Variants in LRRC36 observed in about 807,000 individuals in gnomAD.
LRRC36 encodes the protein leucine rich repeat containing 36, also known as leucine-rich repeat-containing protein 36.
A neutral mutation model predicts 81.1 loss-of-function variants in LRRC36; 62 were observed. The observed-to-expected ratio is 0.76, with a 90% CI of 0.62 to 0.94. The LOEUF (loss-of-function observed/expected upper bound fraction) is 0.94. Among genes scored for constraint, LRRC36 ranks in the 40% least tolerant of loss-of-function variants. LRRC36 has a pLI of 0.00. For synonymous variants in LRRC36, 334 were observed against 348.6 expected (o/e 0.96, Z 0.47); for missense variants, 761 against 881.7 (o/e 0.86, Z 1.73).
chr16:67,337,263 G>A (rs184933787), intron 1 of LRRC36, among the ~76,000 whole-genome samples: 11 of 152,062 alleles, frequency 7.2e-5, no homozygotes, highest in Admixed American at 3.3e-4. Context: ...ACCCAGAAGT[G>A]GAGTTATTCT....
chr16:67,367,169 C>T lies in LRRC36; in HGVS notation c.907C>T (p.His303Tyr), dbSNP rs1344482200. 2.5e-6 allele frequency: 4 copies of T among 1,614,030 alleles called. No individual in the cohort carries two copies. The highest frequency in any genetic ancestry group is 3.3e-5 in the Admixed American group (2 of 60,004). ...IPKPDTFHLT[H>Y]DASLSKCLDV... ...AAAACCTGATACTTTTCATCTTACC[C>T]ATGATGCCTCATTGAGTAAATGCCT... The change falls in exon 8 of 14, where the codon CAT (histidine) becomes TAT (tyrosine). Residue 303 changes from histidine to tyrosine, a missense_variant. His to Tyr is a moderately conservative substitution (Grantham distance 83). This residue lies in a region of LRRC36 where 139 missense variants were observed against 214.0 expected (regional missense o/e 0.65). Transcript: ENST00000329956.
intron 5 of LRRC36, among the ~76,000 whole-genome samples, chr16:67,358,171 T>TTG (rs1253998466): frequency 1.3e-5 from 2 of 151,708 alleles, no homozygotes; most frequent in African/African-American, 4.9e-5. Context: ...CATCAGTTTT[T>TTG]TTTTTTTTTC....
At position 67,384,850 on chromosome 16, in the gene LRRC36, C is replaced by G. The variant is rs1567508533; in HGVS notation, c.2046-20C>G. 2 of 1,601,862 alleles carry G rather than the reference C, an allele frequency of 1.2e-6. No individual in the cohort carries two copies. The highest frequency in any genetic ancestry group is 1.7e-6 in the Non-Finnish European group (2 of 1,169,400). On this transcript the variant is annotated intron_variant, in intron 13 of 13. Coordinates refer to ENST00000329956, the MANE Select transcript of LRRC36 (RefSeq NM_018296.6). Reference sequence around the variant, plus strand: ...CTTGCTTTTATGATTTCATGACTGCCTTTTTCCCTTGGGCCTCAGATCCCT... The same window carrying G: ...CTTGCTTTTATGATTTCATGACTGCGTTTTTCCCTTGGGCCTCAGATCCCT...
At chr16:67,364,389 A>G (rs890083761) in intron 6 of LRRC36, among the ~76,000 whole-genome samples, 2 of 152,234 alleles carry the variant, frequency 1.3e-5, no homozygotes, top group East Asian at 1.9e-4. Flanking sequence ...TGATACATTT[A>G]TGAGCAATAA....
chr16:67,353,056 C>T (rs2038731031), intron 5 of LRRC36, among the ~76,000 whole-genome samples: 1 of 152,076 alleles, frequency 6.6e-6, no homozygotes, highest in Admixed American at 6.6e-5. Flanking sequence ...GCTTTGACAA[C>T]CTGCACTGGT....
intron 1 of LRRC36, among the ~76,000 whole-genome samples, chr16:67,335,617 T>G (rs1402430038): frequency 6.6e-6 from 1 of 152,226 alleles, no homozygotes; most frequent in Non-Finnish European, 1.5e-5. Context: ...CACAAGAGTA[T>G]TGATTGGGGA....
At position 67,341,053 on chromosome 16, in the gene LRRC36, C is replaced by G. The variant is rs1439184425; in HGVS notation, c.71-904C>G. Among the ~76,000 whole-genome samples the G allele has an allele frequency of 5.7e-4, 65 of 114,212 alleles. 13 individuals are homozygous for G. The highest frequency in any genetic ancestry group is 2.1e-3 in the African/African-American group (57 of 26,556). The allele number at this position is 114,212 out of a possible 152,430, so 74.9% of individuals were successfully genotyped here. A position where few individuals can be genotyped will look rare whatever the true frequency, so the allele number is the denominator to read the frequency against. ...CTACATATTCTATAGAATATGTACT[C>G]TACATATTCTATAGAATATGTACTC... is the stretch of plus-strand genomic sequence containing the variant. On this transcript the variant is annotated intron_variant, in intron 1 of 13. Coordinates refer to ENST00000329956, the MANE Select transcript of LRRC36 (RefSeq NM_018296.6).
At chr16:67,383,952 GAGTT>G (rs2142196736) in intron 13 of LRRC36, among the ~76,000 whole-genome samples, 1 of 152,352 alleles carries the variant, frequency 6.6e-6, no homozygotes, top group Admixed American at 6.5e-5. Flanking sequence ...GTGGTGTATA[GAGTT>G]AGTTCTCATT....
intron 1 of LRRC36, among the ~76,000 whole-genome samples, chr16:67,333,804 A>G (rs763318875): frequency 2.6e-5 from 4 of 152,160 alleles, no homozygotes; most frequent in African/African-American, 9.7e-5. Flanking sequence ...TTGGGCATAA[A>G]GTACAGAGAG....
At chr16:67,348,696 G>T (rs2038473426) in intron 4 of LRRC36, 1 of 152,134 alleles carries the variant, frequency 6.6e-6, no homozygotes, top group Non-Finnish European at 1.5e-5. Context: ...TCCAGAATAA[G>T]TCTTTTGTTT....
chr16:67,357,716 G>A (rs1281976150), intron 5 of LRRC36, among the ~76,000 whole-genome samples: 1 of 152,258 alleles, frequency 6.6e-6, no homozygotes, highest in Non-Finnish European at 1.5e-5. Flanking sequence ...AAGAGCAAAC[G>A]GCTGAAGTGC....
chr16:67,350,197 G>A lies in LRRC36; in HGVS notation c.489-5G>A. On this transcript the variant is annotated splice_region_variant and splice_polypyrimidine_tract_variant and intron_variant, in intron 4 of 13. Transcript: ENST00000329956. ...GAGTTGTAAATAAATTATTCTATGT[G>A]GCAGCTCTAGGGAGAAGACAATGAA... The A allele has an allele frequency of 6.5e-7, 1 of 1,547,808 alleles. No homozygotes were observed. Among genetic ancestry groups the A allele is most frequent in the Non-Finnish European group, 8.8e-7 (1 of 1,141,168 alleles).
chr16:67,334,742 C>T (rs1322758833), intron 1 of LRRC36, among the ~76,000 whole-genome samples: 3 of 152,158 alleles, frequency 2.0e-5, no homozygotes, highest in East Asian at 3.8e-4. Flanking sequence ...AATTCACCCC[C>T]GATATTTCAC....
Position 67,375,364 on chromosome 16 carries a change from A to G in LRRC36, c.1612A>G (p.Lys538Glu), listed in dbSNP as rs748243968. The G allele has an allele frequency of 6.2e-7, 1 of 1,606,640 alleles. No individual in the cohort carries two copies. Among genetic ancestry groups the G allele is most frequent in the South Asian group, 1.1e-5 (1 of 89,936 alleles). Residue 538 changes from lysine (K) to glutamate (E), a missense_variant, in exon 10 of 14, where the codon AAG becomes GAG. Around this residue, in one of 3 missense-constraint regions of LRRC36, gnomAD observed 359 missense variants for 388.4 expected, o/e 0.92. Transcript: ENST00000329956. ...CAGACAGCTCCTGGAGCTTGTGGAT[A>G]AGCACTGGAATGGCTCCGGCTCCCT... ...VLRQLLELVD[K>E]HWNGSGSLLL...
chr16:67,362,650 A>G (rs1184314838), intron 5 of LRRC36, among the ~76,000 whole-genome samples: 4 of 152,202 alleles, frequency 2.6e-5, no homozygotes, highest in Non-Finnish European at 4.4e-5. Context: ...CTCTAATAGC[A>G]TTAGTTACAA....
At chr16:67,353,115 A>G (rs371648682) in intron 5 of LRRC36, among the ~76,000 whole-genome samples, 6 of 152,272 alleles carry the variant, frequency 3.9e-5, no homozygotes, top group East Asian at 1.9e-4. Flanking sequence ...TGTAATATAC[A>G]CTTGGAATCA....
chr16:67,341,836 T>G, intron 1 of LRRC36, 121 bp from the exon 2 acceptor site: 1 of 592,058 alleles, frequency 1.7e-6, no homozygotes, highest in South Asian at 4.0e-5. Flanking sequence ...TCTGATCTTA[T>G]GAGGCTTGGA....
rs889637692 is a variant in LRRC36, at chr16:67,337,875, C to T, written c.71-4082C>T. Among the ~76,000 whole-genome samples, 6 of 151,826 alleles carry T rather than the reference C, an allele frequency of 4.0e-5. No homozygotes were observed. In the East Asian group the frequency reaches 7.8e-4, roughly 20 times the overall value. ...CCGAGGCAGGCGGGTCACCTGAGGT[C>T]GGGAGTTTGAGACCAGCCTGCCCAA... is the stretch of plus-strand genomic sequence containing the variant. On this transcript the variant is annotated intron_variant, in intron 1 of 13. Transcript: ENST00000329956.
intron 12 of LRRC36, among the ~76,000 whole-genome samples, chr16:67,379,652 G>A (rs370049154): frequency 6.6e-6 from 1 of 152,148 alleles, no homozygotes; most frequent in Non-Finnish European, 1.5e-5. Context: ...AGGAGGCAGA[G>A]GTTGCAATGA....
Sources: gnomAD v4.1 joint callset for allele counts (sites outside exome capture counted in the v4.1 genomes callset) on GRCh38, gnomAD v4.1.1 for gene constraint, gnomAD v4.1.1 regional missense constraint, MANE v1.5 for transcripts, NCBI Gene and HGNC (gene_info 2026-07-23, HGNC 2026-07-21) for gene names.